Variants in TERB1 observed in about 807,000 individuals in gnomAD.
TERB1 encodes the protein telomere repeats-binding bouquet formation protein 1.
Under a neutral mutation model 92.3 loss-of-function variants are expected in TERB1, and 63 were observed. That is an observed-to-expected ratio of 0.68 (90% CI 0.56 to 0.84). TERB1 has a LOEUF of 0.84. TERB1 is among the 40% of genes least tolerant of loss of function. The pLI is 0.00. For synonymous variants in TERB1, 252 were observed against 283.9 expected, an observed-to-expected ratio of 0.89 and a Z score of 1.13; for missense variants, 709 against 843.7, an observed-to-expected ratio of 0.84 and a Z score of 1.98.
chr16:66,791,137 G>A (rs1473368209), intron 3 of TERB1, 118 bp from the exon 4 acceptor site: 3 of 486,002 alleles, frequency 6.2e-6, no homozygotes, highest in African/African-American at 4.0e-5. Context: ...GTAATAGGCA[G>A]GTATTACTTT....
chr16:66,755,493 G>A (rs1319701019), intron 18 of TERB1, among the ~76,000 whole-genome samples: 2 of 152,094 alleles, frequency 1.3e-5, no homozygotes, highest in South Asian at 2.1e-4. Context: ...ACATCTTACC[G>A]GCCAGGCACG....
chr16:66,798,239 G>T (rs932051176), intron 2 of TERB1, among the ~76,000 whole-genome samples: 4 of 150,518 alleles, frequency 2.7e-5, no homozygotes, highest in Non-Finnish European at 5.9e-5. Flanking sequence ...TAGTGCAGTG[G>T]CATGATCTTG....
At chr16:66,784,712 GT>G (rs1268069082) in intron 9 of TERB1, among the ~76,000 whole-genome samples, 2 of 147,180 alleles carry the variant, frequency 1.4e-5, no homozygotes, top group African/African-American at 5.0e-5. Flanking sequence ...TCTAAACACT[GT>G]TTCGCAGCAT....
chr16:66,788,380 T>C, intron 5 of TERB1, 83 bp from the exon 6 acceptor site: 2 of 1,149,892 alleles, frequency 1.7e-6, no homozygotes, highest in Non-Finnish European at 2.4e-6. Flanking sequence ...AAAAATTGCC[T>C]AACTGGCGAT....
chr16:66,760,130 CAAAAAAAAAAA>C (rs148772308), intron 16 of TERB1, among the ~76,000 whole-genome samples: 1 of 23,396 alleles, frequency 4.3e-5, no homozygotes, highest in East Asian at 1.0e-3. Context: ...GACTCCATCT[CAAAAAAAAAAA>C]AAAAAAAGAA....
chr16:66,767,374 G>T, intron 16 of TERB1, 41 bp downstream of exon 16: 1 of 1,120,396 alleles, frequency 8.9e-7, no homozygotes, highest in Non-Finnish European at 1.3e-6. Flanking sequence ...TATCATAAAA[G>T]GCTTTGACTG....
intron 8 of TERB1, 46 bp from the exon 9 acceptor site, chr16:66,785,954 A>G: frequency 6.5e-7 from 1 of 1,529,476 alleles, no homozygotes; most frequent in Non-Finnish European, 8.8e-7. Context: ...ACAATTGGAA[A>G]ATATCAGTTT....
upstream of TERB1, among the ~76,000 whole-genome samples, chr16:66,802,005 G>A (rs1201616528): frequency 1.3e-5 from 2 of 152,308 alleles, no homozygotes; most frequent in South Asian, 4.1e-4. Flanking sequence ...TCACCAGGGG[G>A]CTTCCGGAGT....
At chr16:66,760,954 A>G (rs531229308) in intron 16 of TERB1, among the ~76,000 whole-genome samples, 38 of 144,756 alleles carry the variant, frequency 2.6e-4, no homozygotes, top group Non-Finnish European at 4.8e-4. Context: ...TCTACTAAAA[A>G]TACAAAAATT....
chr16:66,800,398 T>TTTTC (rs1240391151), intron 2 of TERB1, among the ~76,000 whole-genome samples: 1 of 146,296 alleles, frequency 6.8e-6, no homozygotes, highest in Non-Finnish European at 1.5e-5. Context: ...GAAAGTTTTT[T>TTTTC]TTTTTTTTTT....
intron 14 of TERB1, among the ~76,000 whole-genome samples, chr16:66,768,826 G>A (rs1022316106): frequency 4.6e-5 from 7 of 152,266 alleles, no homozygotes; most frequent in African/African-American, 1.4e-4. Context: ...AACCCTAGCC[G>A]GGTGCGGTGG....
intron 6 of TERB1, among the ~76,000 whole-genome samples, chr16:66,787,074 A>T (rs1349362992): frequency 6.6e-6 from 1 of 152,116 alleles, no homozygotes; most frequent in Non-Finnish European, 1.5e-5. Flanking sequence ...CTGGGGTTAC[A>T]GATGTGACCT....
rs2018724356 is a variant in TERB1, at chr16:66,786,043, A to G, written c.548T>C (p.Leu183Pro). ...YQLWSSVCST[L>P]CVCVNNPQND... ...TTGAGGATTGTTGACACAGACACAC[A>G]GAGTACTACACACTGAAGACCACAA... Residue 183 changes from leucine (L) to proline (P), a missense_variant, in exon 8 of 19, where the codon CTG becomes CCG. By Grantham distance (98) the Leu-to-Pro change is moderately conservative (BLOSUM62 -3). Transcript: ENST00000433154. The G allele has an allele frequency of 3.9e-6, 6 of 1,550,426 alleles. No individual in the cohort carries two copies. Among genetic ancestry groups the G allele is most frequent in the Non-Finnish European group, 5.2e-6 (6 of 1,146,338 alleles).
intron 12 of TERB1, among the ~76,000 whole-genome samples, chr16:66,773,062 C>T (rs2018480451): frequency 6.6e-6 from 1 of 151,888 alleles, no homozygotes; most frequent in Non-Finnish European, 1.5e-5. Flanking sequence ...GGCACAGTGG[C>T]TCACACTTGT....
At chr16:66,788,375 T>C in intron 5 of TERB1, 78 bp from the exon 6 acceptor site, 1 of 1,234,140 alleles carries the variant, frequency 8.1e-7, no homozygotes, top group South Asian at 1.7e-5. Flanking sequence ...AAATAAAAAA[T>C]TGCCTAACTG....
intron 16 of TERB1, among the ~76,000 whole-genome samples, chr16:66,762,675 C>T (rs1350877565): frequency 6.7e-6 from 1 of 150,356 alleles, no homozygotes; most frequent in Non-Finnish European, 1.5e-5. Flanking sequence ...TGAACCACTG[C>T]ACCCAGCCGG....
chr16:66,788,043 A>G, intron 6 of TERB1, 126 bp downstream of exon 6: 1 of 676,598 alleles, frequency 1.5e-6, no homozygotes, highest in South Asian at 3.0e-5. Flanking sequence ...CTTGGGTGTC[A>G]GAGCAAGACT....
Position 66,761,109 on chromosome 16 carries a change from CA to C in TERB1, c.1781-1820del, listed in dbSNP as rs34199990. On this transcript the variant is annotated intron_variant, in intron 16 of 18. Coordinates refer to ENST00000433154, the MANE Select transcript of TERB1 (RefSeq NM_001136505.2). The stretch of plus-strand genomic sequence containing the variant: ...TGGGCGACAGAGCGAGACTCCACCT[CA>C]AAAAAAAAAAAAAAAAGAAAAGAAA... Among the ~76,000 whole-genome samples the C allele has an allele frequency of 5.2e-3, 373 of 71,130 alleles. 1 individual carries two copies. Among genetic ancestry groups the C allele is most frequent in the African/African-American group, 0.017 (272 of 16,042 alleles). The allele number at this position is 71,130 out of a possible 152,430, so 46.7% of individuals were successfully genotyped here.
intron 12 of TERB1, among the ~76,000 whole-genome samples, chr16:66,774,224 C>T (rs1328337052): frequency 2.3e-5 from 3 of 127,932 alleles, no homozygotes; most frequent in African/African-American, 6.1e-5. Flanking sequence ...CTTGCTCCGT[C>T]GCCCAGGCTG....
Sources: gnomAD v4.1 joint callset for allele counts (sites outside exome capture counted in the v4.1 genomes callset) on GRCh38, gnomAD v4.1.1 for gene constraint, MANE v1.5 for transcripts, NCBI Gene and HGNC (gene_info 2026-07-23, HGNC 2026-07-21) for gene names.